The following MACROD1 variants were observed in gnomAD, a reference collection of about 807,000 sequenced individuals.
The protein encoded by MACROD1 is mono-ADP ribosylhydrolase 1, also known as ADP-ribose glycohydrolase MACROD1.
In MACROD1, 31 loss-of-function variants were observed where a neutral mutation model predicts 41.4. That is an observed-to-expected ratio of 0.75 (90% CI 0.56 to 1.01). MACROD1 has a LOEUF of 1.01. Ranked by LOEUF, MACROD1 falls within the 50% of genes least tolerant of loss-of-function variation. The pLI is 0.00. For synonymous variants in MACROD1, 252 were observed against 203.4 expected (o/e 1.24, Z -2.03); for missense variants, 473 against 460.0 (o/e 1.03, Z -0.26).
chr11:64,033,411 T>C (rs1943319591), intron 3 of MACROD1, among the ~76,000 whole-genome samples: 1 of 152,194 alleles, frequency 6.6e-6, no homozygotes. Context: ...TTGTTTGTTT[T>C]TTAGGGACAA....
chr11:64,026,036 C>T (rs538167896), intron 3 of MACROD1, among the ~76,000 whole-genome samples: 1 of 152,160 alleles, frequency 6.6e-6, no homozygotes, highest in Non-Finnish European at 1.5e-5. Flanking sequence ...TAAAAATCAG[C>T]TGGGCGTGGT....
intron 3 of MACROD1, among the ~76,000 whole-genome samples, chr11:64,070,416 C>G (rs1389832290): frequency 6.6e-6 from 1 of 152,188 alleles, no homozygotes; most frequent in African/African-American, 2.4e-5. Flanking sequence ...CCACGCCTCT[C>G]CAGGAGAGGC....
rs148302155 is a variant in MACROD1 at position 64,064,120 on chromosome 11, C to T, written c.518-48839G>A. Among the ~76,000 whole-genome samples, 2 of 152,324 alleles carry T rather than the reference C, an allele frequency of 1.3e-5. No individual in the cohort carries two copies. The highest frequency in any genetic ancestry group is 2.9e-5 in the Non-Finnish European group (2 of 68,030). ...GCGCCCCCTATCTCTCCAAGCCCCT[C>T]GGTCTCTCCCACTCTCCCTTTCAGC... On this transcript the variant is annotated intron_variant, in intron 3 of 10. Coordinates refer to ENST00000255681, the MANE Select transcript of MACROD1 (RefSeq NM_014067.4). The surrounding 1 kb of genome is among the most constrained non-coding windows in gnomAD (Gnocchi z 4.5).
In MACROD1 at chr11:64,067,893, G is replaced by A. The variant is rs890593298; in HGVS notation, c.518-52612C>T. 6.6e-6 allele frequency among the ~76,000 whole-genome samples: 1 copy of A among 152,254 alleles called. No individual in the cohort carries two copies. The highest frequency in any genetic ancestry group is 2.4e-5 in the African/African-American group (1 of 41,558). On this transcript the variant is annotated intron_variant, in intron 3 of 10. Coordinates refer to ENST00000255681, the MANE Select transcript of MACROD1 (RefSeq NM_014067.4). The surrounding 1 kb of genome is among the most constrained non-coding windows in gnomAD (Gnocchi z 4.6). ...TCCTGCTGCTGTCCATTTAGCCAGC[G>A]GTTCGCTCGGCTTTTAGGAGGGGGC... is the stretch of plus-strand genomic sequence containing the variant.
At chr11:64,126,310 G>C (rs531469806) in intron 3 of MACROD1, among the ~76,000 whole-genome samples, 1 of 152,300 alleles carries the variant, frequency 6.6e-6, no homozygotes, top group Non-Finnish European at 1.5e-5. Flanking sequence ...ACGGCCCAGC[G>C]CTCAGGGCTT....
At position 64,146,013 on chromosome 11, in the gene MACROD1, G is replaced by A. The variant is rs932706396; in HGVS notation, c.517+5226C>T. Among the ~76,000 whole-genome samples, 20 of 151,766 alleles carry A rather than the reference G, an allele frequency of 1.3e-4. No individual in the cohort carries two copies. Among genetic ancestry groups the A allele is most frequent in the East Asian group, 5.8e-4 (3 of 5,136 alleles). On this transcript the variant is annotated intron_variant, in intron 3 of 10. Transcript: ENST00000255681. This position sits in a 1 kb window ranked among gnomAD's most constrained non-coding sequence, Gnocchi z 4.7. Reference sequence around the variant, plus strand: ...TCAAACTCCTGACCTCAAGCGATCCGCCCGCCTCGGCCTCCCAAAGTGCTA... The same window carrying A: ...TCAAACTCCTGACCTCAAGCGATCCACCCGCCTCGGCCTCCCAAAGTGCTA...
In MACROD1 at chr11:64,030,160, C is replaced by T. The variant is rs111573557; in HGVS notation, c.518-14879G>A. Among the ~76,000 whole-genome samples the T allele has an allele frequency of 5.8e-3, 881 of 151,932 alleles. 3 individuals carry two copies. The highest frequency in any genetic ancestry group is 0.041 in the Middle Eastern group (12 of 294). On this transcript the variant is annotated intron_variant, in intron 3 of 10. Coordinates refer to ENST00000255681, the MANE Select transcript of MACROD1 (RefSeq NM_014067.4). ...GCAGCTGGTTAGACCTGATCTCCCC[C>T]GTCATGTCTCCATCACCCCCCAAAC...
At chr11:64,060,901 T>C (rs562766874) in intron 3 of MACROD1, among the ~76,000 whole-genome samples, 1 of 151,850 alleles carries the variant, frequency 6.6e-6, no homozygotes, top group African/African-American at 2.4e-5. Context: ...CCCCCGAGGC[T>C]CTTTGCATAT....
intron 3 of MACROD1, among the ~76,000 whole-genome samples, chr11:64,109,634 TC>T (rs1159651568): frequency 6.6e-6 from 1 of 151,728 alleles, no homozygotes; most frequent in African/African-American, 2.4e-5. Context: ...CCCTCTTACC[TC>T]CCCGGACTCC....
chr11:63,999,142 T>C (rs1472781754), intron 8 of MACROD1, 106 bp from the exon 9 acceptor site: 88 of 1,308,836 alleles, frequency 6.7e-5, no homozygotes, highest in Non-Finnish European at 9.4e-6. Context: ...CCTGCGCCCT[T>C]CACGGAGGCT....
At position 64,120,754 on chromosome 11, in the gene MACROD1, TGG is replaced by T. The variant is rs1014630735; in HGVS notation, c.517+30483_517+30484del. On this transcript the variant is annotated intron_variant, in intron 3 of 10. Transcript: ENST00000255681. The surrounding 1 kb of genome is among the most constrained non-coding windows in gnomAD (Gnocchi z 4.5). ...CCCGAGATGAGCAGAAGGGCCCACC[TGG>T]GATGTCTGGGAGGAGAGCGTGCCCG... Among the ~76,000 whole-genome samples, 4 of 151,418 alleles carry T rather than the reference TGG, an allele frequency of 2.6e-5. No homozygotes were observed. Among genetic ancestry groups the T allele is most frequent in the Non-Finnish European group, 4.4e-5 (3 of 67,904 alleles).
At chr11:64,115,685 T>C (rs1944964874) in intron 3 of MACROD1, among the ~76,000 whole-genome samples, 2 of 152,308 alleles carry the variant, frequency 1.3e-5, no homozygotes, top group South Asian at 2.1e-4. Context: ...TTTGAGCTCC[T>C]GGGCCTTCCA....
rs1328570825 is a variant in MACROD1 at position 64,036,051 on chromosome 11, TG to T, written c.518-20771del. ...CGGGGGCTCCTCTCCCGGGCCCCCC[TG>T]GGCGCCCTCCGGCTCTGGTTCCCGC... On this transcript the variant is annotated intron_variant, in intron 3 of 10. Coordinates refer to ENST00000255681, the MANE Select transcript of MACROD1 (RefSeq NM_014067.4). This position sits in a 1 kb window ranked among gnomAD's most constrained non-coding sequence, Gnocchi z 5.6. The T allele has an allele frequency of 6.6e-6, 1 of 150,842 alleles. No individual in the cohort carries two copies. Among genetic ancestry groups the T allele is most frequent in the Non-Finnish European group, 1.5e-5 (1 of 67,652 alleles). The allele number at this position is 150,842 out of a possible 1,614,324, so 9.3% of individuals were successfully genotyped here. A position where few individuals can be genotyped will look rare whatever the true frequency, so the allele number is the denominator to read the frequency against.
intron 3 of MACROD1, among the ~76,000 whole-genome samples, chr11:64,088,899 C>G (rs1944441305): frequency 6.6e-6 from 1 of 152,062 alleles, no homozygotes; most frequent in Non-Finnish European, 1.5e-5. Flanking sequence ...GTGCGGTTCA[C>G]AAAGTCATGG....
intron 1 of MACROD1, 123 bp downstream of exon 1, chr11:64,165,574 T>C: frequency 1.2e-6 from 1 of 848,972 alleles, no homozygotes. Context: ...CCAGGGCAGA[T>C]GGGGCCTCAA....
intron 1 of MACROD1, among the ~76,000 whole-genome samples, chr11:64,154,720 T>C (rs1216364372): frequency 2.0e-5 from 3 of 152,144 alleles, no homozygotes; most frequent in Admixed American, 6.5e-5. Context: ...TGTTTACACT[T>C]ATTCTTTTAT....
intron 3 of MACROD1, among the ~76,000 whole-genome samples, chr11:64,110,990 G>A (rs1437850724): frequency 1.3e-5 from 2 of 152,214 alleles, no homozygotes; most frequent in Admixed American, 1.3e-4. Flanking sequence ...TGGCCAAGAT[G>A]GATGAGGCCC....
intron 3 of MACROD1, among the ~76,000 whole-genome samples, chr11:64,147,545 C>T (rs1332967756): frequency 1.3e-5 from 2 of 150,384 alleles, no homozygotes; most frequent in Non-Finnish European, 3.0e-5. Flanking sequence ...ACCTCAGCCT[C>T]CCAAGTAGCT....
intron 3 of MACROD1, among the ~76,000 whole-genome samples, chr11:64,089,818 C>A (rs911260708): frequency 1.3e-5 from 2 of 152,166 alleles, no homozygotes; most frequent in Non-Finnish European, 2.9e-5. Context: ...TCTGTGCCCA[C>A]TCATAGGTGT....
Sources: gnomAD v4.1 joint callset for allele counts (sites outside exome capture counted in the v4.1 genomes callset) on GRCh38, gnomAD v4.1.1 for gene constraint, Gnocchi (gnomAD v3.1) non-coding constraint, MANE v1.5 for transcripts, NCBI Gene and HGNC (gene_info 2026-07-23, HGNC 2026-07-21) for gene names.